Variants in TGIF1 observed in about 807,000 individuals in gnomAD.
The protein encoded by TGIF1 is homeobox protein TGIF1.
A neutral mutation model predicts 19.3 loss-of-function variants in TGIF1; 4 were observed. The ratio of observed to expected loss-of-function variants is 0.21; its 90% CI spans 0.10 to 0.47. The LOEUF (loss-of-function observed/expected upper bound fraction) is 0.47, where lower values mean the gene tolerates loss of function less well. TGIF1 is among the 20% of genes least tolerant of loss of function. TGIF1 has a pLI of 0.98. For synonymous variants in TGIF1, 122 were observed against 129.3 expected, an observed-to-expected ratio of 0.94 and a Z score of 0.38; for missense variants, 275 against 341.4, an observed-to-expected ratio of 0.81 and a Z score of 1.53.
intron 2 of TGIF1, among the ~76,000 whole-genome samples, chr18:3,423,102 G>C (rs917773912): frequency 5.9e-5 from 9 of 152,112 alleles, no homozygotes; most frequent in Non-Finnish European, 7.3e-5. Flanking sequence ...ATCACTCCTA[G>C]TAGCATAGAA....
intron 1 of TGIF1, chr18:3,415,220 T>C (rs1475807475): frequency 8.8e-6 from 2 of 226,676 alleles, no homozygotes; most frequent in Non-Finnish European, 1.9e-5. Context: ...CCAGGCCCGT[T>C]TGGCAGCTTC....
rs115310987 is a variant in TGIF1 at position 3,438,422 on chromosome 18, T to C, written c.-44-17932T>C. ...GCAGATAAGTTACCTGAAATTCTCC[T>C]ACTTTTTTCAAACCTAAAGGTCAGA... On this transcript the variant is annotated intron_variant, in intron 2 of 3. Coordinates refer to the TGIF1 transcript ENST00000401449. Among the ~76,000 whole-genome samples the C allele has an allele frequency of 6.6e-3, 998 of 152,184 alleles. 10 individuals are homozygous for C. Among genetic ancestry groups the C allele is most frequent in the African/African-American group, 0.023 (959 of 41,512 alleles).
intron 1 of TGIF1, among the ~76,000 whole-genome samples, chr18:3,454,600 C>G (rs182984909): frequency 6.6e-6 from 1 of 152,226 alleles, no homozygotes; most frequent in East Asian, 1.9e-4. Context: ...ACCCAAATTT[C>G]AATATAGGTT....
In TGIF1 at chr18:3,434,355, G is replaced by A. The variant is rs193117526; in HGVS notation, c.-45+16140G>A. On this transcript the variant is annotated intron_variant, in intron 2 of 3. Transcript: ENST00000401449. ...AGTTCGAGACCAGCCTGACCAACAC[G>A]TAGAAACCCCGTCTCTACTAAAAAT... Among the ~76,000 whole-genome samples the A allele has an allele frequency of 7.8e-3, 1,182 of 152,134 alleles. 9 individuals are homozygous for A. The highest frequency in any genetic ancestry group is 0.027 in the African/African-American group (1,138 of 41,506).
upstream of TGIF1, chr18:3,447,843 C>T (rs775906056): frequency 1.2e-6 from 2 of 1,606,764 alleles, no homozygotes; most frequent in South Asian, 1.1e-5. Context: ...TCGAAAGAGG[C>T]TTTCAATTGT....
chr18:3,452,048 C>T (rs1224261429), intron 1 of TGIF1: 12 of 1,613,080 alleles, frequency 7.4e-6, no homozygotes, highest in South Asian at 2.2e-5. Flanking sequence ...CCGGCGGGGG[C>T]GGCTCTGATT....
chr18:3,450,558 GC>G, intron 1 of TGIF1, 53 bp downstream of exon 1: 1 of 1,551,322 alleles, frequency 6.4e-7, no homozygotes, highest in Non-Finnish European at 8.7e-7. Flanking sequence ...GGGGAAACGT[GC>G]TGGCCGGGCC....
upstream of TGIF1, among the ~76,000 whole-genome samples, chr18:3,445,926 C>A (rs888195195): frequency 6.6e-6 from 1 of 151,988 alleles, no homozygotes; most frequent in African/African-American, 2.4e-5. Flanking sequence ...ATCTGACCTT[C>A]TGAAATGACA....
At chr18:3,430,266 A>G (rs2082529949) in intron 2 of TGIF1, among the ~76,000 whole-genome samples, 1 of 152,222 alleles carries the variant, frequency 6.6e-6, no homozygotes, top group Non-Finnish European at 1.5e-5. Context: ...AGAGATTACT[A>G]GAGGAATCAG....
chr18:3,422,679 T>TC (rs71366657), intron 2 of TGIF1, among the ~76,000 whole-genome samples: 1 of 106,880 alleles, frequency 9.4e-6, no homozygotes, highest in Non-Finnish European at 1.9e-5. Flanking sequence ...TGGCCTTTTT[T>TC]TTTTTTTTTT....
At chr18:3,413,829 G>A (rs1568024551) in intron 1 of TGIF1, among the ~76,000 whole-genome samples, 1 of 152,098 alleles carries the variant, frequency 6.6e-6, no homozygotes, top group Non-Finnish European at 1.5e-5. Flanking sequence ...TTCATTCTAT[G>A]GCTGCCGTAA....
Position 3,456,068 on chromosome 18 carries a change from C to G in TGIF1, c.17-286C>G. The G allele has an allele frequency of 2.1e-6, 1 of 466,796 alleles. No homozygotes were observed. Among genetic ancestry groups the G allele is most frequent in the Non-Finnish European group, 4.0e-6 (1 of 253,034 alleles). The allele number at this position is 466,796 out of a possible 1,614,324, so 28.9% of individuals were successfully genotyped here. ...CAGTTTGTCTCCTCCAATGATTAGA[C>G]GAAAGAGTTTTCTGACCATCATTCA... On this transcript the variant is annotated intron_variant, in intron 1 of 2. Transcript: ENST00000343820. This position sits in a 1 kb window ranked among gnomAD's most constrained non-coding sequence, Gnocchi z 4.2.
intron 1 of TGIF1, among the ~76,000 whole-genome samples, chr18:3,413,912 C>T (rs1329322300): frequency 1.3e-5 from 2 of 152,120 alleles, no homozygotes; most frequent in Admixed American, 6.5e-5. Flanking sequence ...ATGGCAGGCA[C>T]TATGTCGTGG....
intron 1 of TGIF1, among the ~76,000 whole-genome samples, chr18:3,417,039 T>C (rs1332253685): frequency 2.6e-5 from 4 of 152,228 alleles, no homozygotes; most frequent in African/African-American, 9.6e-5. Flanking sequence ...TAAATCATTA[T>C]GGATAAGCAA....
In TGIF1 at chr18:3,424,083, A is replaced by G. The variant is rs569239949; in HGVS notation, c.-45+5868A>G. Among the ~76,000 whole-genome samples the G allele has an allele frequency of 4.6e-5, 7 of 152,220 alleles. No individual in the cohort carries two copies. In the South Asian group the frequency reaches 1.2e-3, roughly 27 times the overall value. On this transcript the variant is annotated intron_variant, in intron 2 of 3. Coordinates refer to the TGIF1 transcript ENST00000401449. ...ACACAGAGACAAGTCAAATTCTTTCATGTTTATTTGGGTCTATGTGAGAGC... is the reference window on the plus strand; with the variant it reads ...ACACAGAGACAAGTCAAATTCTTTCGTGTTTATTTGGGTCTATGTGAGAGC...
At chr18:3,455,972 G>A in intron 1 of TGIF1, 1 of 342,434 alleles carries the variant, frequency 2.9e-6, no homozygotes, top group South Asian at 2.5e-5. Flanking sequence ...TAGAAAGAAG[G>A]TTGGTAGGCA....
intron 2 of TGIF1, among the ~76,000 whole-genome samples, chr18:3,431,221 C>A (rs1189773528): frequency 6.6e-6 from 1 of 152,106 alleles, no homozygotes; most frequent in Non-Finnish European, 1.5e-5. Context: ...CCGAGGCAGG[C>A]GGATAACCTG....
intron 2 of TGIF1, among the ~76,000 whole-genome samples, chr18:3,426,652 G>A (rs1354552031): frequency 1.3e-5 from 2 of 152,158 alleles, no homozygotes; most frequent in Non-Finnish European, 2.9e-5. Flanking sequence ...TAGTGGAAAT[G>A]CAAATTGGTA....
intron 2 of TGIF1, among the ~76,000 whole-genome samples, chr18:3,438,596 A>ACACACACACACACACAC (rs1555647866): frequency 2.7e-4 from 37 of 136,092 alleles, no homozygotes; most frequent in Non-Finnish European, 4.5e-4. Context: ...CATACACACA[A>ACACACACACACACACAC]ACACACACAC....
Sources: allele counts gnomAD v4.1 joint callset (sites outside exome capture counted in the v4.1 genomes callset), GRCh38; gene constraint gnomAD v4.1.1; non-coding constraint Gnocchi (gnomAD v3.1); transcripts MANE v1.5; gene names NCBI Gene and HGNC (gene_info 2026-07-23, HGNC 2026-07-21).